The following ERI3 variants were observed in gnomAD, a reference collection of about 807,000 sequenced individuals.
ERI3 encodes ERI1 exoribonuclease 3.
Under a neutral mutation model 44.4 loss-of-function variants are expected in ERI3, and 18 were observed. The ratio of observed to expected loss-of-function variants is 0.41; its 90% CI spans 0.28 to 0.60. ERI3 has a LOEUF of 0.60. ERI3 is among the 20% of genes least tolerant of loss of function. The probability of loss-of-function intolerance (pLI) is 0.36; values close to 1 mark genes in which losing one functional copy is unlikely to be tolerated. For missense variants in ERI3, 294 were observed against 435.5 expected, an observed-to-expected ratio of 0.68 and a Z score of 2.89; for synonymous variants, 183 against 164.8, an observed-to-expected ratio of 1.11 and a Z score of -0.84.
At position 44,241,363 on chromosome 1, in the gene ERI3, G is replaced by A. The variant is rs1644429784; in HGVS notation, c.931+6576C>T. On this transcript the variant is annotated intron_variant, in intron 8 of 8. Transcript: ENST00000372257. The surrounding 1 kb of genome is among the most constrained non-coding windows in gnomAD (Gnocchi z 5.6). ...AGGAATCCAATGCAGTCCCTTATCT[G>A]CCCTGTCAATCACTCAATCACCGCC... Among the ~76,000 whole-genome samples the A allele has an allele frequency of 6.6e-6, 1 of 152,016 alleles. No individual in the cohort carries two copies. The highest frequency in any genetic ancestry group is 1.5e-5 in the Non-Finnish European group (1 of 68,004).
chr1:44,277,154 C>T (rs1645195539), intron 7 of ERI3, among the ~76,000 whole-genome samples: 1 of 152,196 alleles, frequency 6.6e-6, no homozygotes, highest in Non-Finnish European at 1.5e-5. Flanking sequence ...CAACCTGCTG[C>T]CACCAAATCT....
intron 3 of ERI3, among the ~76,000 whole-genome samples, chr1:44,335,672 T>C (rs922130645): frequency 6.7e-6 from 1 of 149,196 alleles, no homozygotes; most frequent in African/African-American, 2.5e-5. Context: ...GGCAGGAAAA[T>C]TGCTTGAGGC....
At chr1:44,335,406 G>A (rs942631994) in intron 3 of ERI3, among the ~76,000 whole-genome samples, 1 of 151,184 alleles carries the variant, frequency 6.6e-6, no homozygotes, top group Non-Finnish European at 1.5e-5. Flanking sequence ...CAGGAGAGGA[G>A]CCTGGATGGT....
intron 6 of ERI3, among the ~76,000 whole-genome samples, chr1:44,306,490 G>A (rs987561513): frequency 2.6e-5 from 4 of 152,100 alleles, no homozygotes; most frequent in Non-Finnish European, 4.4e-5. Context: ...CTCTTTTCTT[G>A]ATGATATCAT....
intron 7 of ERI3, among the ~76,000 whole-genome samples, chr1:44,255,456 T>C (rs781758835): frequency 9.2e-5 from 14 of 152,324 alleles, no homozygotes; most frequent in Non-Finnish European, 1.8e-4. Context: ...ATCGTATCTG[T>C]GTACTCACCC....
Position 44,345,741 on chromosome 1 carries a change from C to G in ERI3, c.212-6419G>C, listed in dbSNP as rs140376939. 2.0e-4 allele frequency among the ~76,000 whole-genome samples: 30 copies of G among 152,288 alleles called. No individual in the cohort carries two copies. The East Asian group carries it at 5.4e-3, about 27-fold the overall frequency. On this transcript the variant is annotated intron_variant, in intron 2 of 8. Transcript: ENST00000372257. Reference sequence around the variant, plus strand: ...AATCTAATGAATATATCCTTACTGCCAGAGCACTCTCTGTGTGAAAAACAA... The same window carrying G: ...AATCTAATGAATATATCCTTACTGCGAGAGCACTCTCTGTGTGAAAAACAA...
intron 4 of ERI3, among the ~76,000 whole-genome samples, chr1:44,314,829 G>A (rs1189672184): frequency 1.3e-5 from 2 of 152,196 alleles, no homozygotes; most frequent in Non-Finnish European, 2.9e-5. Flanking sequence ...TAAAAACTCT[G>A]CCCTCATGGA....
intron 6 of ERI3, among the ~76,000 whole-genome samples, chr1:44,294,143 G>A (rs1021981268): frequency 6.6e-6 from 1 of 152,190 alleles, no homozygotes; most frequent in African/African-American, 2.4e-5. Flanking sequence ...ATGAAAGGCC[G>A]TCACCTGCGT....
At chr1:44,239,347 T>G (rs1644382316) in intron 8 of ERI3, among the ~76,000 whole-genome samples, 1 of 152,194 alleles carries the variant, frequency 6.6e-6, no homozygotes, top group South Asian at 2.1e-4. Flanking sequence ...CTCCATCTTG[T>G]GGCAAAAGGT....
chr1:44,272,418 T>C (rs1216623671), intron 7 of ERI3, among the ~76,000 whole-genome samples: 1 of 152,212 alleles, frequency 6.6e-6, no homozygotes, highest in East Asian at 1.9e-4. Flanking sequence ...CAGCAGTTTC[T>C]AGCTGTGAGC....
intron 7 of ERI3, among the ~76,000 whole-genome samples, chr1:44,277,043 C>T (rs181669537): frequency 2.0e-5 from 3 of 152,344 alleles, no homozygotes; most frequent in Admixed American, 6.5e-5. Context: ...AGTAGAACTA[C>T]GGCAAGCCTG....
At chr1:44,260,721 G>C (rs1341788329) in intron 7 of ERI3, among the ~76,000 whole-genome samples, 3 of 152,072 alleles carry the variant, frequency 2.0e-5, no homozygotes, top group African/African-American at 7.2e-5. Context: ...CATCAGATCT[G>C]AGGTACTTCA....
chr1:44,264,264 T>C (rs325170), intron 7 of ERI3, among the ~76,000 whole-genome samples: 4,200 of 152,294 alleles, frequency 0.028, 87 homozygotes, highest in African/African-American at 0.059. Flanking sequence ...GAATCTCCAA[T>C]AGTCCAGGTT....
intron 4 of ERI3, among the ~76,000 whole-genome samples, chr1:44,316,718 G>C (rs1234885324): frequency 3.3e-5 from 5 of 152,160 alleles, no homozygotes; most frequent in Admixed American, 3.3e-4. Flanking sequence ...AAGTACAGGT[G>C]CAAGACAAAG....
At chr1:44,291,501 C>T (rs1435247919) in intron 6 of ERI3, among the ~76,000 whole-genome samples, 1 of 152,140 alleles carries the variant, frequency 6.6e-6, no homozygotes, top group Non-Finnish European at 1.5e-5. Context: ...TTCTATGAGG[C>T]CTTATTTGTA....
intron 7 of ERI3, among the ~76,000 whole-genome samples, chr1:44,265,085 C>G (rs1178300617): frequency 2.0e-5 from 3 of 152,194 alleles, no homozygotes; most frequent in Non-Finnish European, 4.4e-5. Flanking sequence ...CTCCCTCCCG[C>G]AAGCATCCTC....
At chr1:44,296,471 A>G (rs961110393) in intron 6 of ERI3, among the ~76,000 whole-genome samples, 4 of 152,178 alleles carry the variant, frequency 2.6e-5, no homozygotes, top group Non-Finnish European at 1.5e-5. Context: ...CTGCTAACCA[A>G]GAGGGAATGG....
intron 5 of ERI3, 58 bp downstream of exon 5, chr1:44,313,111 G>A: frequency 1.4e-6 from 2 of 1,418,668 alleles, no homozygotes; most frequent in South Asian, 2.3e-5. Flanking sequence ...AGGAGGGGAG[G>A]GAGAGAAAGG....
chr1:44,259,551 G>A (rs1301844532), intron 7 of ERI3, among the ~76,000 whole-genome samples: 1 of 152,068 alleles, frequency 6.6e-6, no homozygotes, highest in Admixed American at 6.5e-5. Flanking sequence ...AATATGAAAA[G>A]GTAGTTCCAG....
Sources: gnomAD v4.1 joint callset for allele counts (sites outside exome capture counted in the v4.1 genomes callset) on GRCh38, gnomAD v4.1.1 for gene constraint, Gnocchi (gnomAD v3.1) non-coding constraint, MANE v1.5 for transcripts, NCBI Gene and HGNC (gene_info 2026-07-23, HGNC 2026-07-21) for gene names.